The following AKAP13 variants were observed in gnomAD, a reference collection of about 807,000 sequenced individuals.
The protein encoded by AKAP13 is A-kinase anchoring protein 13, also known as A-kinase anchor protein 13.
Under a neutral mutation model 264.5 loss-of-function variants are expected in AKAP13, and 80 were observed. The observed-to-expected ratio is 0.30, with a 90% CI of 0.25 to 0.36. The LOEUF is 0.36. Among genes scored for constraint, AKAP13 ranks in the 10% least tolerant of loss-of-function variants. The pLI, the probability that AKAP13 is intolerant of heterozygous loss-of-function variation, is 1.00. For missense variants in AKAP13, 3,712 were observed against 3,435.2 expected, an observed-to-expected ratio of 1.08 and a Z score of -2.01; for synonymous variants, 1,380 against 1,250.2, an observed-to-expected ratio of 1.10 and a Z score of -2.19.
At chr15:85,729,763 A>C (rs1442699751) in intron 29 of AKAP13, among the ~76,000 whole-genome samples, 1 of 151,640 alleles carries the variant, frequency 6.6e-6, no homozygotes, top group African/African-American at 2.4e-5. Context: ...ATGGTGAAAC[A>C]CCATCTCTAC....
At chr15:85,502,208 C>T (rs565062832) in intron 2 of AKAP13, among the ~76,000 whole-genome samples, 6 of 152,324 alleles carry the variant, frequency 3.9e-5, no homozygotes, top group Non-Finnish European at 8.8e-5. Flanking sequence ...CAAGTAGACA[C>T]AGCTTTACAT....
At chr15:85,608,827 C>T (rs561843563) in intron 8 of AKAP13, among the ~76,000 whole-genome samples, 22 of 152,200 alleles carry the variant, frequency 1.4e-4, no homozygotes, top group Non-Finnish European at 2.2e-4. Context: ...GTCTGAAATC[C>T]AGACAAGGGA....
Position 85,579,855 on chromosome 15 carries a change from A to G in AKAP13, c.1787A>G (p.Lys596Arg), listed in dbSNP as rs140541742. ...SVVIPAAAKD[K>R]ISDGLEPYTL... Reference sequence around the variant, plus strand: ...GTGATTCCAGCTGCTGCAAAAGACAAGATTTCAGATGGATTAGAACCTTAT... The same window carrying G: ...GTGATTCCAGCTGCTGCAAAAGACAGGATTTCAGATGGATTAGAACCTTAT... The change falls in exon 7 of 37, where the codon AAG becomes AGG. Residue 596 changes from lysine to arginine, a missense_variant. Transcript: ENST00000394518. The G allele has an allele frequency of 3.7e-6, 6 of 1,614,060 alleles. No individual in the cohort carries two copies. The highest frequency in any genetic ancestry group is 1.3e-5 in the African/African-American group (1 of 74,930).
intron 5 of AKAP13, among the ~76,000 whole-genome samples, chr15:85,559,663 C>T (rs1002849827): frequency 1.5e-5 from 2 of 129,332 alleles, no homozygotes; most frequent in South Asian, 3.3e-4. Context: ...ACGCAGTTCA[C>T]GATAGGGTTC....
In AKAP13 at chr15:85,748,223, C is replaced by T. The variant is rs1207035178; in HGVS notation, c.*3546C>T. On this transcript the variant is annotated 3_prime_UTR_variant, in exon 37 of 37. Transcript: ENST00000394518. ...TGCCCAGAGGACAGCCAGGCAGGCC[C>T]TGGGAGGGAGTTTAGAAAGACAGTC... 3.3e-5 allele frequency: 5 copies of T among 152,280 alleles called. No homozygotes were observed. The highest frequency in any genetic ancestry group is 5.9e-5 in the Non-Finnish European group (4 of 68,124). 9.4% of individuals were successfully genotyped at this position (152,280 alleles called of 1,614,324 possible).
In AKAP13 at chr15:85,741,234, C is replaced by T. The variant is rs760938984; in HGVS notation, c.7797C>T (p.Arg2599=). The change falls in exon 35 of 37, where the codon CGC becomes CGT. Residue 2599 remains arginine (R), a synonymous_variant. Coordinates refer to ENST00000394518, the MANE Select transcript of AKAP13 (RefSeq NM_007200.5). ...KQQAQYLEEK[R]RREREWEARE... ...AGGCCCAGTACCTCGAGGAGAAGCG[C>T]AGGCGCGAGCGTGAGTGGGAAGCTC... The T allele has an allele frequency of 4.4e-6, 7 of 1,608,984 alleles. No homozygotes were observed. The African/African-American group carries it at 5.3e-5, about 12-fold the overall frequency.
intron 1 of AKAP13, among the ~76,000 whole-genome samples, chr15:85,388,023 T>C (rs772575073): frequency 1.4e-5 from 2 of 142,078 alleles, no homozygotes; most frequent in Non-Finnish European, 3.0e-5. Context: ...GTTTTCACTT[T>C]GTATACTTTC....
chr15:85,744,532 C>G, intron 36 of AKAP13, 96 bp from the exon 37 acceptor site: 1 of 1,333,762 alleles, frequency 7.5e-7, no homozygotes, highest in East Asian at 2.3e-5. Flanking sequence ...CCCCAGTCGC[C>G]TGTTTGCATT....
intron 5 of AKAP13, chr15:85,555,359 A>G: frequency 8.7e-7 from 1 of 1,146,810 alleles, no homozygotes. Flanking sequence ...TCCTTGTCAG[A>G]AGTAAACTTG....
chr15:85,738,331 G>GCCAA (rs1488852272), intron 33 of AKAP13, among the ~76,000 whole-genome samples: 1 of 151,876 alleles, frequency 6.6e-6, no homozygotes, highest in African/African-American at 2.4e-5. Flanking sequence ...GGTGGAGGTT[G>GCCAA]CAGTGGGCCA....
At chr15:85,420,931 T>A (rs985720575) in intron 1 of AKAP13, among the ~76,000 whole-genome samples, 4 of 151,976 alleles carry the variant, frequency 2.6e-5, no homozygotes, top group Non-Finnish European at 4.4e-5. Flanking sequence ...AAAAAAAAAA[T>A]CGGAATTCTG....
At chr15:85,535,039 T>C (rs1216729039) in intron 4 of AKAP13, 2 of 152,206 alleles carry the variant, frequency 1.3e-5, no homozygotes, top group Non-Finnish European at 2.9e-5. Flanking sequence ...GTACTTTCTA[T>C]GTCTTCAATG....
intron 29 of AKAP13, among the ~76,000 whole-genome samples, chr15:85,728,888 G>C (rs1340132577): frequency 6.6e-6 from 1 of 151,962 alleles, no homozygotes. Context: ...ATAGTTAGGA[G>C]AGTTGCTTGA....
At chr15:85,574,121 T>C (rs1211598547) in intron 5 of AKAP13, among the ~76,000 whole-genome samples, 1 of 152,210 alleles carries the variant, frequency 6.6e-6, no homozygotes, top group African/African-American at 2.4e-5. Flanking sequence ...TGAGAAAGAA[T>C]AGTGACACCA....
At position 85,710,799 on chromosome 15, in the gene AKAP13, C is replaced by T. The variant is rs1296859187; in HGVS notation, c.5599+154C>T. ...AGGCTGCTGTTTTATCCTGCAGATT[C>T]CTTTACCCATATAACATTATACCAT... On this transcript the variant is annotated intron_variant, in intron 19 of 36. Coordinates refer to ENST00000394518, the MANE Select transcript of AKAP13 (RefSeq NM_007200.5). Among the ~76,000 whole-genome samples, 5 of 152,118 alleles carry T rather than the reference C, an allele frequency of 3.3e-5. No individual in the cohort carries two copies. The East Asian group carries it at 9.6e-4, about 29-fold the overall frequency.
At chr15:85,475,378 C>T (rs2075123625) in intron 1 of AKAP13, among the ~76,000 whole-genome samples, 3 of 152,140 alleles carry the variant, frequency 2.0e-5, no homozygotes, top group South Asian at 2.1e-4. Flanking sequence ...AAATTCTCAC[C>T]TGTGGAATGG....
chr15:85,615,510 A>G (rs2080897549), intron 8 of AKAP13, among the ~76,000 whole-genome samples: 1 of 152,232 alleles, frequency 6.6e-6, no homozygotes, highest in South Asian at 2.1e-4. Flanking sequence ...GCAGTCTATT[A>G]TCTAAGCAGA....
chr15:85,491,659 A>G (rs1431585440), intron 2 of AKAP13, among the ~76,000 whole-genome samples: 1 of 151,772 alleles, frequency 6.6e-6, no homozygotes, highest in Non-Finnish European at 1.5e-5. Flanking sequence ...ACTATTTTCA[A>G]AACTTGGTAC....
intron 26 of AKAP13, among the ~76,000 whole-genome samples, chr15:85,723,732 C>A (rs2087438691): frequency 1.3e-5 from 2 of 152,136 alleles, no homozygotes; most frequent in South Asian, 2.1e-4. Flanking sequence ...TCTGTGAGTT[C>A]AAAACACATC....
Sources: allele counts gnomAD v4.1 joint callset (sites outside exome capture counted in the v4.1 genomes callset), GRCh38; gene constraint gnomAD v4.1.1; transcripts MANE v1.5; gene names NCBI Gene and HGNC (gene_info 2026-07-23, HGNC 2026-07-21).